DEPDC5: variants seen among roughly 807,000 people sequenced by gnomAD.
The protein encoded by DEPDC5 is DEP domain containing 5, GATOR1 subcomplex subunit, also known as GATOR1 complex protein DEPDC5.
DEPDC5 carries 73 observed loss-of-function variants against 217.3 expected under a neutral mutation model. The ratio of observed to expected loss-of-function variants is 0.34; its 90% CI spans 0.28 to 0.41. DEPDC5 has a LOEUF of 0.41. Ranked by LOEUF, DEPDC5 falls within the 10% of genes least tolerant of loss-of-function variation. The probability of loss-of-function intolerance (pLI) is 1.00; values close to 1 mark genes in which losing one functional copy is unlikely to be tolerated. For missense variants in DEPDC5, 1,675 were observed against 2,070.1 expected, an observed-to-expected ratio of 0.81 and a Z score of 3.70; for synonymous variants, 733 against 756.7, an observed-to-expected ratio of 0.97 and a Z score of 0.51.
chr22:31,760,850 A>G (rs1601600755), intron 4 of DEPDC5, 148 bp downstream of exon 4: 3 of 685,882 alleles, frequency 4.4e-6, no homozygotes, highest in Admixed American at 5.9e-5. Context: ...CAGGCAGTAC[A>G]TGGGAATGTT....
At chr22:31,893,502 T>A in intron 38 of DEPDC5, 80 bp from the exon 39 acceptor site, 1 of 1,372,366 alleles carries the variant, frequency 7.3e-7, no homozygotes, top group Non-Finnish European at 9.6e-7. Context: ...TAGTTTCATA[T>A]CTGGATACTT....
chr22:31,867,045 TAC>T (rs2092708723), intron 33 of DEPDC5, among the ~76,000 whole-genome samples: 1 of 152,214 alleles, frequency 6.6e-6, no homozygotes, highest in African/African-American at 2.4e-5. Context: ...GGGGAGTATC[TAC>T]ATATGTTCAG....
chr22:31,890,172 G>A (rs1344724751), intron 38 of DEPDC5, among the ~76,000 whole-genome samples: 1 of 152,268 alleles, frequency 6.6e-6, no homozygotes, highest in East Asian at 1.9e-4. Flanking sequence ...AACCATCTGG[G>A]CTGGCACATC....
At chr22:31,828,068 A>C (rs2090290643) in intron 24 of DEPDC5, among the ~76,000 whole-genome samples, 1 of 152,208 alleles carries the variant, frequency 6.6e-6, no homozygotes, top group African/African-American at 2.4e-5. Flanking sequence ...CTGGCATGCT[A>C]GATTTTTAAA....
chr22:31,821,116 G>A (rs935795486), intron 22 of DEPDC5, among the ~76,000 whole-genome samples: 1 of 152,190 alleles, frequency 6.6e-6, no homozygotes, highest in Non-Finnish European at 1.5e-5. Context: ...TAGAGTCACA[G>A]TTGTTACTCT....
chr22:31,784,922 A>G (rs766771020), intron 10 of DEPDC5, 47 bp downstream of exon 10: 1 of 1,543,826 alleles, frequency 6.5e-7, no homozygotes, highest in Admixed American at 1.8e-5. Flanking sequence ...AACATTACTC[A>G]ATCAGATTTT....
chr22:31,883,198 C>T (rs185295111), intron 38 of DEPDC5, among the ~76,000 whole-genome samples: 2,173 of 152,238 alleles, frequency 0.014, 20 homozygotes, highest in Middle Eastern at 0.031. Context: ...AAAATTACCC[C>T]CAGCTGAGAA....
chr22:31,802,156 T>G (rs8143023), intron 14 of DEPDC5, among the ~76,000 whole-genome samples: 4,706 of 144,720 alleles, frequency 0.033, 130 homozygotes, highest in African/African-American at 0.068. Flanking sequence ...TTTAGACAGG[T>G]TCTTGCTCTG....
intron 2 of DEPDC5, chr22:31,757,334 A>G (rs1025017908): frequency 6.6e-6 from 1 of 152,226 alleles, no homozygotes; most frequent in Non-Finnish European, 1.5e-5. Flanking sequence ...CTGCATCAAT[A>G]TAGTGACCTC....
At chr22:31,852,760 C>T (rs1272599754) in intron 31 of DEPDC5, 4 of 152,112 alleles carry the variant, frequency 2.6e-5, no homozygotes, top group Non-Finnish European at 5.9e-5. Context: ...TTATAATTTA[C>T]CTTTAAAATT....
rs1473523208 is a variant in DEPDC5, at chr22:31,783,576, G to A, written c.484-331G>A. 3.3e-5 allele frequency among the ~76,000 whole-genome samples: 5 copies of A among 152,212 alleles called. No homozygotes were observed. The East Asian group carries it at 7.7e-4, about 24-fold the overall frequency. ...CTCGAGAGGCTGAAGTGGGAAGATC[G>A]TTTCATCCTGGAGCCTGGGAGTTTG... is the stretch of plus-strand genomic sequence containing the variant. On this transcript the variant is annotated intron_variant, in intron 8 of 42. Coordinates refer to ENST00000651528, the MANE Select transcript of DEPDC5 (RefSeq NM_001242896.3).
chr22:31,791,832 C>T (rs2085679452), intron 10 of DEPDC5, among the ~76,000 whole-genome samples: 1 of 138,188 alleles, frequency 7.2e-6, no homozygotes. Flanking sequence ...GAGGCTGAGG[C>T]AGGAGAATTG....
intron 25 of DEPDC5, among the ~76,000 whole-genome samples, chr22:31,836,325 T>C (rs1481111147): frequency 6.6e-6 from 1 of 152,218 alleles, no homozygotes; most frequent in Non-Finnish European, 1.5e-5. Context: ...AACTCTGCTT[T>C]AACTGAGGAG....
rs537525412 is a variant in DEPDC5 at position 31,872,973 on chromosome 22, T to C, written c.3486-282T>C. Among the ~76,000 whole-genome samples the C allele has an allele frequency of 4.6e-5, 7 of 152,196 alleles. No homozygotes were observed. The South Asian group carries it at 1.0e-3, about 23-fold the overall frequency. On this transcript the variant is annotated intron_variant, in intron 34 of 42. Coordinates refer to ENST00000651528, the MANE Select transcript of DEPDC5 (RefSeq NM_001242896.3). ...TTTCACTATGTTTGCCAGGCTGGTC[T>C]TGACCTCCTGACCTCAAATAATCCA...
At chr22:31,773,640 G>A (rs982093565) in intron 7 of DEPDC5, among the ~76,000 whole-genome samples, 3 of 152,142 alleles carry the variant, frequency 2.0e-5, no homozygotes, top group Non-Finnish European at 2.9e-5. Flanking sequence ...TGCTGACTTC[G>A]TGAATGCCTG....
chr22:31,777,026 G>A lies in DEPDC5; in HGVS notation c.414-1073G>A, dbSNP rs546524981. 3.1e-4 allele frequency among the ~76,000 whole-genome samples: 47 copies of A among 151,648 alleles called. No individual in the cohort carries two copies. In the South Asian group the frequency reaches 9.4e-3, roughly 30 times the overall value. ...TGCCCAGGCTGGAGTGCAGTGGTGCGATCTCGGCTCACTGAAACCTCCGCC... is the reference window on the plus strand; with the variant it reads ...TGCCCAGGCTGGAGTGCAGTGGTGCAATCTCGGCTCACTGAAACCTCCGCC... On this transcript the variant is annotated intron_variant, in intron 7 of 42. Coordinates refer to ENST00000651528, the MANE Select transcript of DEPDC5 (RefSeq NM_001242896.3).
chr22:31,755,820 C>T (rs2075278731), intron 2 of DEPDC5, among the ~76,000 whole-genome samples: 1 of 151,898 alleles, frequency 6.6e-6, no homozygotes. Flanking sequence ...GCATTATTTA[C>T]TTCAGAAATT....
intron 24 of DEPDC5, among the ~76,000 whole-genome samples, chr22:31,831,791 C>T (rs2148907769): frequency 6.6e-6 from 1 of 152,264 alleles, no homozygotes; most frequent in South Asian, 2.1e-4. Flanking sequence ...AATTTATGTC[C>T]AGTAAAATGT....
chr22:31,804,875 C>T lies in DEPDC5; in HGVS notation c.1177C>T (p.Leu393=). The part of the protein sequence containing the change: ...HNRSAPRDSR[L]GDDYNIPHWI... ...TCGGAGTGCTCCCCGTGATTCTCGT[C>T]TGGGCGATGACTATAATATCCCTCA... Residue 393 remains leucine, a synonymous_variant, in exon 17 of 43, where the codon CTG becomes TTG. Transcript: ENST00000651528. The T allele has an allele frequency of 6.2e-7, 1 of 1,614,032 alleles. No homozygotes were observed.
Sources: allele counts gnomAD v4.1 joint callset (sites outside exome capture counted in the v4.1 genomes callset), GRCh38; gene constraint gnomAD v4.1.1; transcripts MANE v1.5; gene names NCBI Gene and HGNC (gene_info 2026-07-23, HGNC 2026-07-21).